SPEG: variants seen among roughly 807,000 people sequenced by gnomAD.
The protein encoded by SPEG is striated muscle enriched protein kinase.
Under a neutral mutation model 300.4 loss-of-function variants are expected in SPEG, and 114 were observed. That is an observed-to-expected ratio of 0.38 (90% confidence interval 0.33 to 0.44). The LOEUF (loss-of-function observed/expected upper bound fraction) is 0.44. Ranked by LOEUF, SPEG falls within the 20% of genes least tolerant of loss-of-function variation. The probability of loss-of-function intolerance (pLI) is 1.00; values close to 1 mark genes in which losing one functional copy is unlikely to be tolerated. For missense variants in SPEG, 4,201 were observed against 4,586.2 expected (o/e 0.92, Z 2.43); for synonymous variants, 1,964 against 2,018.9 (o/e 0.97, Z 0.73).
intron 6 of SPEG, among the ~76,000 whole-genome samples, chr2:219,452,052 G>A (rs1689802495): frequency 6.6e-6 from 1 of 152,264 alleles, no homozygotes; most frequent in Non-Finnish European, 1.5e-5. Flanking sequence ...TGAAGTCAGT[G>A]AAATTTGTGT....
In SPEG at chr2:219,459,436, C is replaced by G. The variant is rs890096542; in HGVS notation, c.2441-2446C>G. ...CTCGATCAGCTTCCTTGGTCACTCA[C>G]TTTTGGAGGTATGGAGGGGCAGAGG... is the stretch of plus-strand genomic sequence containing the variant. On this transcript the variant is annotated intron_variant, in intron 6 of 40. Coordinates refer to ENST00000312358, the MANE Select transcript of SPEG (RefSeq NM_005876.5). This position sits in a 1 kb window ranked among gnomAD's most constrained non-coding sequence, Gnocchi z 4.9. Among the ~76,000 whole-genome samples, 8 of 152,190 alleles carry G rather than the reference C, an allele frequency of 5.3e-5. No homozygotes were observed. Among genetic ancestry groups the G allele is most frequent in the African/African-American group, 1.9e-4 (8 of 41,440 alleles).
rs1436716350 is a variant in SPEG, at chr2:219,481,290, C to T, written c.5370-14C>T. On this transcript the variant is annotated splice_polypyrimidine_tract_variant and intron_variant, in intron 26 of 40. Transcript: ENST00000312358. The surrounding 1 kb of genome is among the most constrained non-coding windows in gnomAD (Gnocchi z 5.4). ...CCCGCCTGCCCCTCATGACAGCCCT[C>T]TTCACCCCTGCAGTCTGACAGGAAT... is the stretch of plus-strand genomic sequence containing the variant. The T allele has an allele frequency of 6.2e-7, 1 of 1,613,380 alleles. No homozygotes were observed. Among genetic ancestry groups the T allele is most frequent in the East Asian group, 2.2e-5 (1 of 44,886 alleles).
intron 1 of SPEG, among the ~76,000 whole-genome samples, chr2:219,440,318 G>A (rs1314732174): frequency 6.6e-6 from 1 of 152,044 alleles, no homozygotes; most frequent in Non-Finnish European, 1.5e-5. Context: ...AGCCCAGGTG[G>A]TCAAGGTTGC....
In SPEG at chr2:219,439,912, A is replaced by C. The variant is rs1954813570; in HGVS notation, c.388+4547A>C. 6.6e-6 allele frequency among the ~76,000 whole-genome samples: 1 copy of C among 152,202 alleles called. No homozygotes were observed. Among genetic ancestry groups the C allele is most frequent in the South Asian group, 2.1e-4 (1 of 4,828 alleles). On this transcript the variant is annotated intron_variant, in intron 1 of 40. Coordinates refer to ENST00000312358, the MANE Select transcript of SPEG (RefSeq NM_005876.5). The surrounding 1 kb of genome is among the most constrained non-coding windows in gnomAD (Gnocchi z 4.5). ...TGAGTGGGTGTGTTTAGGGGTGTAC[A>C]TGGAAAGTGCCCATGGGTGTCCAGG... is the stretch of plus-strand genomic sequence containing the variant.
chr2:219,441,707 T>C (rs1456023999), intron 1 of SPEG: 1 of 399,604 alleles, frequency 2.5e-6, no homozygotes, highest in Non-Finnish European at 5.1e-6. Flanking sequence ...CGGAGGCAGA[T>C]GCAGGGTGGG....
chr2:219,450,901 C>T lies in SPEG; in HGVS notation c.2114-235C>T, dbSNP rs1272853578. The T allele has an allele frequency of 1.6e-5, 7 of 438,872 alleles. 1 individual carries two copies. Among genetic ancestry groups the T allele is most frequent in the African/African-American group, 8.0e-5 (4 of 49,844 alleles). 27.2% of individuals were successfully genotyped at this position (438,872 alleles called of 1,614,324 possible). A position where few individuals can be genotyped will look rare whatever the true frequency, so the allele number is the denominator to read the frequency against. ...AATTGTGGATGAAGTTGAGGAACGG[C>T]CACACTAACATGGAGTCAAGGCTGC... is the stretch of plus-strand genomic sequence containing the variant. On this transcript the variant is annotated intron_variant, in intron 4 of 40. Coordinates refer to ENST00000312358, the MANE Select transcript of SPEG (RefSeq NM_005876.5).
chr2:219,448,931 G>A lies in SPEG; in HGVS notation c.1773G>A (p.Arg591=), dbSNP rs1689526343. The change falls in exon 4 of 41, where the codon AGG becomes AGA. Residue 591 remains arginine (R), a synonymous_variant. Transcript: ENST00000312358. ...EPGEGPQQEV[R]RRDQFPLTRS... Reference sequence around the variant, plus strand: ...GGGAAGGCCCGCAGCAGGAGGTTAGGCGTCGGGACCAATTCCCGCTGACCC... The same window carrying A: ...GGGAAGGCCCGCAGCAGGAGGTTAGACGTCGGGACCAATTCCCGCTGACCC... 1.3e-6 allele frequency: 2 copies of A among 1,490,804 alleles called. No homozygotes were observed. The highest frequency in any genetic ancestry group is 1.8e-6 in the Non-Finnish European group (2 of 1,125,566). The allele number at this position is 1,490,804 out of a possible 1,614,324, so 92.3% of individuals were successfully genotyped here. A position where few individuals can be genotyped will look rare whatever the true frequency, so the allele number is the denominator to read the frequency against.
rs1011932937 is a variant in SPEG, at chr2:219,484,546, C to A, written c.7083C>A (p.Gly2361=). ...GCCGTTCGCGCTCGGAGGAGCGCGG[C>A]CCCTTCCGTGGGGCCGAGGAGGAGG... ...LLSRSRSEER[G]PFRGAEEEDG... The change falls in exon 30 of 41, where the codon GGC becomes GGA. Residue 2361 remains glycine, a synonymous_variant. Transcript: ENST00000312358. The A allele has an allele frequency of 5.7e-6, 9 of 1,592,602 alleles. No individual in the cohort carries two copies. The highest frequency in any genetic ancestry group is 7.7e-6 in the Non-Finnish European group (9 of 1,173,314).
At chr2:219,466,150 T>G in intron 9 of SPEG, 1 of 1,540,558 alleles carries the variant, frequency 6.5e-7, no homozygotes, top group South Asian at 1.2e-5. Flanking sequence ...TGTGTTTCAC[T>G]GCCTCCTGCC....
Position 219,489,386 on chromosome 2 carries a change from A to G in SPEG, c.8368A>G (p.Arg2790Gly), listed in dbSNP as rs55760516. Residue 2790 changes from arginine to glycine, a missense_variant, in exon 36 of 41, where the codon AGG becomes GGG. By Grantham distance (125) the Arg-to-Gly change is moderately radical. This residue lies in a region of SPEG where 1,578 missense variants were observed against 1,506.0 expected (regional missense o/e 1.05). Transcript: ENST00000312358. ...CCACCAAGAGGCCCCTGTCACCTCA[A>G]GGCCAGCCAGGGCCCGGCCTCCTGA... Reference protein sequence around the residue: ...AAHQEAPVTSRPARARPPDSP... With the variant: ...AAHQEAPVTSGPARARPPDSP... 552,988 of 1,612,298 alleles carry G rather than the reference A, an allele frequency of 0.34. 97,649 individuals are homozygous for G. Among genetic ancestry groups the G allele is most frequent in the African/African-American group, 0.49 (36,636 of 74,488 alleles).
At position 219,479,710 on chromosome 2, in the gene SPEG, C is replaced by A; in HGVS notation, c.5086-73C>A. The A allele has an allele frequency of 3.5e-6, 5 of 1,424,734 alleles. No homozygotes were observed. Among genetic ancestry groups the A allele is most frequent in the Non-Finnish European group, 4.9e-6 (5 of 1,011,954 alleles). 88.3% of individuals were successfully genotyped at this position (1,424,734 alleles called of 1,614,324 possible). On this transcript the variant is annotated intron_variant, in intron 23 of 40. Coordinates refer to ENST00000312358, the MANE Select transcript of SPEG (RefSeq NM_005876.5). The surrounding 1 kb of genome is among the most constrained non-coding windows in gnomAD (Gnocchi z 5.5). ...GGCTACTCCACAGGCACAGCCGGACCGCTTGCCGCCCTGGAGGTGTTCAGA... is the reference window on the plus strand; with the variant it reads ...GGCTACTCCACAGGCACAGCCGGACAGCTTGCCGCCCTGGAGGTGTTCAGA...
intron 15 of SPEG, among the ~76,000 whole-genome samples, 176 bp from the exon 16 acceptor site, chr2:219,472,714 C>T (rs1439205331): frequency 6.6e-6 from 1 of 152,196 alleles, no homozygotes; most frequent in African/African-American, 2.4e-5. Flanking sequence ...TGGCTCTTAA[C>T]CTCCCAGGGA....
Position 219,444,191 on chromosome 2 carries a change from C to T in SPEG, c.389-462C>T, listed in dbSNP as rs997564242. ...TGGGGTAGAGGACAGGCTGGCCCCG[C>T]GGTTGGTCGAGTGCCCTGGCAGTAC... On this transcript the variant is annotated intron_variant, in intron 1 of 40. Coordinates refer to ENST00000312358, the MANE Select transcript of SPEG (RefSeq NM_005876.5). This position sits in a 1 kb window ranked among gnomAD's most constrained non-coding sequence, Gnocchi z 7.8. 5.4e-5 allele frequency: 33 copies of T among 611,672 alleles called. No homozygotes were observed. Among genetic ancestry groups the T allele is most frequent in the East Asian group, 5.3e-4 (8 of 15,002 alleles). The allele number at this position is 611,672 out of a possible 1,614,324, so 37.9% of individuals were successfully genotyped here. A position where few individuals can be genotyped will look rare whatever the true frequency, so the allele number is the denominator to read the frequency against.
chr2:219,478,060 A>C lies in SPEG; in HGVS notation c.4982A>C (p.His1661Pro). ...CAGCACGACTGTGTCCTCTACTTCC[A>C]TGAGGCCTTCGAGAGGCGCCGGGGA... ...RLQHDCVLYF[H>P]EAFERRRGLV... is the part of the protein sequence containing the mutation. The change falls in exon 22 of 41, where the codon CAT becomes CCT. Residue 1661 changes from histidine (H) to proline (P), a missense_variant. Coordinates refer to ENST00000312358, the MANE Select transcript of SPEG (RefSeq NM_005876.5). The C allele has an allele frequency of 6.2e-7, 1 of 1,614,200 alleles. No homozygotes were observed. Among genetic ancestry groups the C allele is most frequent in the Non-Finnish European group, 8.5e-7 (1 of 1,180,030 alleles).
intron 36 of SPEG, 117 bp from the exon 37 acceptor site, chr2:219,490,292 A>C: frequency 7.1e-7 from 1 of 1,406,536 alleles, no homozygotes; most frequent in Non-Finnish European, 9.6e-7. Flanking sequence ...TGGAGCCCAC[A>C]CTGGAACCAC....
In SPEG at chr2:219,484,759, C is replaced by T. The variant is rs1466540577; in HGVS notation, c.7296C>T (p.Arg2432=). ...PAQRHPAWEA[R]GGDGESSEGG... is the part of the protein sequence containing the mutation. ...AGCGCCACCCGGCCTGGGAGGCCCG[C>T]GGCGGGGACGGAGAGAGCTCGGAGG... The change falls in exon 30 of 41, where the codon CGC becomes CGT. Residue 2432 remains arginine, a synonymous_variant. Coordinates refer to ENST00000312358, the MANE Select transcript of SPEG (RefSeq NM_005876.5). 1 of 1,460,718 alleles carries T rather than the reference C, an allele frequency of 6.8e-7. No homozygotes were observed. Among genetic ancestry groups the T allele is most frequent in the Non-Finnish European group, 8.9e-7 (1 of 1,118,314 alleles). 90.5% of individuals were successfully genotyped at this position (1,460,718 alleles called of 1,614,324 possible).
At chr2:219,463,991 G>A (rs533947380) in intron 8 of SPEG, among the ~76,000 whole-genome samples, 10 of 152,080 alleles carry the variant, frequency 6.6e-5, no homozygotes, top group East Asian at 1.9e-4. Context: ...GCATGGTGGC[G>A]TGTGCCTGTA....
Position 219,435,049 on chromosome 2 carries a change from G to A in SPEG, c.72G>A (p.Pro24=), listed in dbSNP as rs914121765. ...CACCCCCCAGCCCCGGAGTGCCCCC[G>A]AAAAGGGCCAAGGTGGGGGCCGGCG... ...TRAPPSPGVP[P]KRAKVGAGGG... is the part of the protein sequence containing the mutation. Residue 24 remains proline (P), a synonymous_variant, in exon 1 of 41, where the codon CCG becomes CCA. Coordinates refer to ENST00000312358, the MANE Select transcript of SPEG (RefSeq NM_005876.5). 1 of 1,492,410 alleles carries A rather than the reference G, an allele frequency of 6.7e-7. No individual in the cohort carries two copies. The highest frequency in any genetic ancestry group is 1.5e-5 in the African/African-American group (1 of 68,512). 92.4% of individuals were successfully genotyped at this position (1,492,410 alleles called of 1,614,324 possible). A position where few individuals can be genotyped will look rare whatever the true frequency, so the allele number is the denominator to read the frequency against.
chr2:219,493,410 G>A lies in SPEG; in HGVS notation c.*624G>A. On this transcript the variant is annotated 3_prime_UTR_variant, in exon 41 of 41. Transcript: ENST00000312358. ...TCACTCACACTCGCTCTGTCCTCCT[G>A]TCCAGTGGATACAGCCCTGGGCGCT... 2.6e-6 allele frequency: 1 copy of A among 385,120 alleles called. No homozygotes were observed. The highest frequency in any genetic ancestry group is 5.3e-6 in the Non-Finnish European group (1 of 189,846). 23.9% of individuals were successfully genotyped at this position (385,120 alleles called of 1,614,324 possible). A position where few individuals can be genotyped will look rare whatever the true frequency, so the allele number is the denominator to read the frequency against.
Sources: allele counts gnomAD v4.1 joint callset (sites outside exome capture counted in the v4.1 genomes callset), GRCh38; gene constraint gnomAD v4.1.1; regional missense constraint gnomAD v4.1.1; non-coding constraint Gnocchi (gnomAD v3.1); transcripts MANE v1.5; gene names NCBI Gene and HGNC (gene_info 2026-07-23, HGNC 2026-07-21).